Variants in GPC3 observed in about 807,000 individuals in gnomAD.
GPC3 encodes the protein glypican-3.
GPC3 carries 3 observed loss-of-function variants against 34.4 expected under a neutral mutation model. That is an observed-to-expected ratio of 0.09 (90% CI 0.04 to 0.23). The LOEUF (loss-of-function observed/expected upper bound fraction) is 0.23, where lower values mean the gene tolerates loss of function less well. Among genes scored for constraint, GPC3 ranks in the 10% least tolerant of loss-of-function variants. The pLI, the probability that GPC3 is intolerant of heterozygous loss-of-function variation, is 1.00. For missense variants in GPC3, 351 were observed against 445.6 expected, an observed-to-expected ratio of 0.79 and a Z score of 1.91; for synonymous variants, 177 against 174.0, an observed-to-expected ratio of 1.02 and a Z score of -0.13.
Position 133,953,060 on chromosome X carries a change from C to T in GPC3, c.327G>A (p.Ala109=), listed in dbSNP as rs1466168469. The change falls in exon 2 of 8, where the codon GCG becomes GCA. Residue 109 remains alanine (A), a synonymous_variant. Transcript: ENST00000370818. ...ELKFLIIQNA[A]VFQEAFEIVV... ...ATCCCCAGAACTCACCTTGGAAAAC[C>T]GCAGCATTCTGAATAATTAAGAACT... 1.7e-6 allele frequency: 2 copies of T among 1,208,885 alleles called. No homozygotes were observed. Among genetic ancestry groups the T allele is most frequent in the Non-Finnish European group, 2.2e-6 (2 of 893,117 alleles).
At chrX:133,616,512 C>T (rs1410838408) in intron 6 of GPC3, among the ~76,000 whole-genome samples, 3 of 110,372 alleles carry the variant, frequency 2.7e-5, no homozygotes, top group Non-Finnish European at 5.7e-5. Flanking sequence ...TTTAAATGGA[C>T]AAGATAATCC....
intron 2 of GPC3, among the ~76,000 whole-genome samples, chrX:133,886,606 C>T (rs2076062930): frequency 9.0e-6 from 1 of 111,717 alleles, no homozygotes; most frequent in African/African-American, 3.3e-5. Flanking sequence ...TCTCCCCATT[C>T]CAAGTCCCAC....
intron 4 of GPC3, among the ~76,000 whole-genome samples, chrX:133,698,512 GTGT>G (rs1458294815): frequency 4.5e-5 from 5 of 112,117 alleles, no homozygotes; most frequent in Admixed American, 9.5e-5. Flanking sequence ...AATTCATTGT[GTGT>G]TGTTATTTTA....
intron 2 of GPC3, among the ~76,000 whole-genome samples, chrX:133,772,868 C>G (rs2071937987): frequency 9.0e-6 from 1 of 110,808 alleles, no homozygotes; most frequent in Non-Finnish European, 1.9e-5. Flanking sequence ...ACAACTTCCT[C>G]AAAGCCACAC....
chrX:133,840,601 T>G (rs1569443205), intron 2 of GPC3, among the ~76,000 whole-genome samples: 1 of 110,693 alleles, frequency 9.0e-6, no homozygotes, highest in Non-Finnish European at 1.9e-5. Context: ...ATCATCATCA[T>G]CATCATCATC....
At chrX:133,909,154 A>G (rs376487741) in intron 2 of GPC3, among the ~76,000 whole-genome samples, 2 of 112,376 alleles carry the variant, frequency 1.8e-5, no homozygotes, top group East Asian at 2.8e-4. Flanking sequence ...TGTTAAATAA[A>G]CGAATATTTG....
chrX:133,571,700 T>G (rs1180978053), intron 7 of GPC3, among the ~76,000 whole-genome samples: 2 of 111,951 alleles, frequency 1.8e-5, no homozygotes, highest in Non-Finnish European at 3.8e-5. Context: ...CTTACATCAG[T>G]GGCCTGAGCT....
intron 5 of GPC3, among the ~76,000 whole-genome samples, chrX:133,669,957 G>A (rs1428466829): frequency 9.0e-6 from 1 of 111,266 alleles, no homozygotes. Context: ...AGGCAGATTG[G>A]TTAGGGATTG....
intron 2 of GPC3, among the ~76,000 whole-genome samples, chrX:133,867,639 C>G (rs907840868): frequency 1.8e-5 from 2 of 108,917 alleles, no homozygotes; most frequent in Admixed American, 2.0e-4. Context: ...TGGCAAAGGC[C>G]CCATCTTCAA....
chrX:133,735,448 C>T (rs1463395532), intron 3 of GPC3, among the ~76,000 whole-genome samples: 2 of 111,418 alleles, frequency 1.8e-5, no homozygotes, highest in Non-Finnish European at 3.8e-5. Flanking sequence ...ATACCATATA[C>T]AAAAATTAGC....
At chrX:133,887,839 C>T (rs2076068159) in intron 2 of GPC3, among the ~76,000 whole-genome samples, 1 of 110,972 alleles carries the variant, frequency 9.0e-6, no homozygotes, top group African/African-American at 3.3e-5. Context: ...TGTCTCTTTT[C>T]GTTTTTGTTG....
chrX:133,692,626 TCTTGGC>T, intron 4 of GPC3, 132 bp from the exon 5 acceptor site: 1 of 561,719 alleles, frequency 1.8e-6, no homozygotes, highest in Non-Finnish European at 2.9e-6. Flanking sequence ...TTAAAGACAT[TCTTGGC>T]TACAAGGCCA....
intron 2 of GPC3, among the ~76,000 whole-genome samples, chrX:133,780,844 T>G (rs755424999): frequency 4.7e-4 from 52 of 111,300 alleles, no homozygotes; most frequent in African/African-American, 1.7e-3. Flanking sequence ...CAATAAAAAC[T>G]TGCAAATAGG....
chrX:133,873,102 A>T (rs767186419), intron 2 of GPC3, among the ~76,000 whole-genome samples: 1 of 112,235 alleles, frequency 8.9e-6, no homozygotes, highest in Non-Finnish European at 1.9e-5. Context: ...ATACCCTCAT[A>T]AAGTAGCCCT....
intron 2 of GPC3, among the ~76,000 whole-genome samples, chrX:133,872,528 C>T (rs1041438803): frequency 9.0e-6 from 1 of 111,694 alleles, no homozygotes; most frequent in Admixed American, 9.5e-5. Flanking sequence ...ATTTTTCCTT[C>T]CACCCAACCA....
chrX:133,949,127 T>C (rs1164112512), intron 2 of GPC3, among the ~76,000 whole-genome samples: 2 of 112,457 alleles, frequency 1.8e-5, no homozygotes, highest in East Asian at 5.6e-4. Flanking sequence ...AGCTCATAAA[T>C]GCAGATCTAG....
At chrX:133,739,170 C>T (rs1443316880) in intron 3 of GPC3, among the ~76,000 whole-genome samples, 1 of 111,289 alleles carries the variant, frequency 9.0e-6, no homozygotes, top group Admixed American at 9.6e-5. Flanking sequence ...CAGGCATCCA[C>T]TGGGTGTCTT....
At chrX:133,914,944 A>AATATATATAT (rs35086661) in intron 2 of GPC3, among the ~76,000 whole-genome samples, 678 of 49,878 alleles carry the variant, frequency 0.014, 20 homozygotes, top group African/African-American at 0.031. Flanking sequence ...TCAAACTGGA[A>AATATATATAT]ATATATATAT....
intron 5 of GPC3, among the ~76,000 whole-genome samples, chrX:133,663,444 G>A (rs1421120618): frequency 9.0e-6 from 1 of 111,044 alleles, no homozygotes; most frequent in African/African-American, 3.3e-5. Flanking sequence ...TAGAGGCAGG[G>A]TCTCCCTGTG....
Sources: gnomAD v4.1 joint callset for allele counts (sites outside exome capture counted in the v4.1 genomes callset) on GRCh38, gnomAD v4.1.1 for gene constraint, MANE v1.5 for transcripts, NCBI Gene and HGNC (gene_info 2026-07-23, HGNC 2026-07-21) for gene names.